FBXL17: variants seen among roughly 807,000 people sequenced by gnomAD.
FBXL17 encodes F-box/LRR-repeat protein 17.
In FBXL17, 22 loss-of-function variants were observed where a neutral mutation model predicts 66.2. The observed-to-expected ratio is 0.33, with a 90% confidence interval of 0.24 to 0.47. The LOEUF is 0.47. Among genes scored for constraint, FBXL17 ranks in the 20% least tolerant of loss-of-function variants. The probability of loss-of-function intolerance (pLI) is 1.00; values close to 1 mark genes in which losing one functional copy is unlikely to be tolerated. For missense variants in FBXL17, 878 were observed against 948.2 expected, an observed-to-expected ratio of 0.93 and a Z score of 0.97; for synonymous variants, 474 against 400.5, an observed-to-expected ratio of 1.18 and a Z score of -2.19.
chr5:108,031,791 G>A (rs1746653782), intron 6 of FBXL17, among the ~76,000 whole-genome samples: 1 of 152,090 alleles, frequency 6.6e-6, no homozygotes. Context: ...ACTTCAGGTA[G>A]AAAATCAATT....
At chr5:108,261,613 C>A (rs1040540073) in intron 4 of FBXL17, among the ~76,000 whole-genome samples, 1 of 151,544 alleles carries the variant, frequency 6.6e-6, no homozygotes, top group African/African-American at 2.4e-5. Flanking sequence ...GAAGGTTTGC[C>A]CATAAAGACC....
intron 6 of FBXL17, among the ~76,000 whole-genome samples, chr5:108,064,130 C>T (rs554417465): frequency 6.6e-6 from 1 of 152,134 alleles, no homozygotes; most frequent in African/African-American, 2.4e-5. Flanking sequence ...AATGAAATAG[C>T]TTCTGACCCC....
chr5:108,092,030 G>T (rs1749205373), intron 6 of FBXL17, among the ~76,000 whole-genome samples: 1 of 151,932 alleles, frequency 6.6e-6, no homozygotes, highest in South Asian at 2.1e-4. Context: ...TTATTTTCTG[G>T]CATTAGCTTT....
At chr5:107,864,426 G>T (rs1325017463) in intron 8 of FBXL17, among the ~76,000 whole-genome samples, 1 of 152,160 alleles carries the variant, frequency 6.6e-6, no homozygotes, top group Non-Finnish European at 1.5e-5. Flanking sequence ...ATGGTTTCTT[G>T]AGCAGATTCC....
At chr5:107,898,416 G>A (rs965075876) in intron 7 of FBXL17, among the ~76,000 whole-genome samples, 1 of 152,034 alleles carries the variant, frequency 6.6e-6, no homozygotes, top group Admixed American at 6.6e-5. Flanking sequence ...ATGTGAAGAT[G>A]ATTAGAATGA....
In FBXL17 at chr5:108,373,258, A is replaced by G. The variant is rs1580917478; in HGVS notation, c.994-5305T>C. On this transcript the variant is annotated intron_variant, in intron 1 of 8. Transcript: ENST00000542267. Reference sequence around the variant, plus strand: ...ATAATATATATCTAAATATATTAATATAAATATAATATATATCTAAATATA... The same window carrying G: ...ATAATATATATCTAAATATATTAATGTAAATATAATATATATCTAAATATA... Among the ~76,000 whole-genome samples the G allele has an allele frequency of 2.7e-5, 4 of 145,834 alleles. No homozygotes were observed. In the East Asian group the frequency reaches 5.9e-4, roughly 21 times the overall value.
chr5:108,184,129 G>C (rs1331744875), intron 6 of FBXL17, among the ~76,000 whole-genome samples: 1 of 152,044 alleles, frequency 6.6e-6, no homozygotes, highest in Non-Finnish European at 1.5e-5. Flanking sequence ...TTTAAAAAGG[G>C]GAGGCCAGGC....
At chr5:108,104,158 C>T (rs953866120) in intron 6 of FBXL17, among the ~76,000 whole-genome samples, 22 of 152,114 alleles carry the variant, frequency 1.4e-4, no homozygotes, top group Non-Finnish European at 2.9e-5. Context: ...GCCTCAGCCT[C>T]CCGAGTAGCA....
chr5:107,880,389 C>T, intron 8 of FBXL17: 1 of 986,108 alleles, frequency 1.0e-6, no homozygotes, highest in Middle Eastern at 5.2e-4. Flanking sequence ...TCTGTTTTCT[C>T]AGTCTTCAAA....
At chr5:108,119,669 A>G (rs532470173) in intron 6 of FBXL17, among the ~76,000 whole-genome samples, 1 of 152,386 alleles carries the variant, frequency 6.6e-6, no homozygotes, top group East Asian at 1.9e-4. Flanking sequence ...AATTAGCTGT[A>G]TAGTAACTTG....
At chr5:108,080,549 G>A (rs1748723035) in intron 6 of FBXL17, among the ~76,000 whole-genome samples, 1 of 152,208 alleles carries the variant, frequency 6.6e-6, no homozygotes, top group Non-Finnish European at 1.5e-5. Context: ...CAAGGTCTAA[G>A]GCACAGTCTC....
chr5:107,879,922 A>G (rs1448469796), intron 8 of FBXL17: 4 of 985,322 alleles, frequency 4.1e-6, no homozygotes, highest in Non-Finnish European at 4.8e-6. Flanking sequence ...GTCTTGCCAG[A>G]GTATCCTGGG....
chr5:108,244,972 G>A (rs1756027445), intron 4 of FBXL17, among the ~76,000 whole-genome samples: 1 of 152,064 alleles, frequency 6.6e-6, no homozygotes, highest in Non-Finnish European at 1.5e-5. Context: ...GCAGAACAAT[G>A]TGTATATACT....
At chr5:108,164,336 C>T (rs964168932) in intron 6 of FBXL17, among the ~76,000 whole-genome samples, 6 of 152,146 alleles carry the variant, frequency 3.9e-5, no homozygotes, top group Admixed American at 2.0e-4. Context: ...TTCATTATTG[C>T]CCTTCCAAGT....
At chr5:108,293,411 T>C (rs1758203175) in intron 4 of FBXL17, among the ~76,000 whole-genome samples, 1 of 152,192 alleles carries the variant, frequency 6.6e-6, no homozygotes, top group South Asian at 2.1e-4. Flanking sequence ...TATGGGGACA[T>C]GTGTAATTTT....
At chr5:108,077,221 T>C (rs1392379131) in intron 6 of FBXL17, among the ~76,000 whole-genome samples, 1 of 152,210 alleles carries the variant, frequency 6.6e-6, no homozygotes, top group Non-Finnish European at 1.5e-5. Context: ...TTAGTAAAGC[T>C]GATTTAAAAG....
rs115292280 is a variant in FBXL17, at chr5:108,016,171, C to T, written c.1822+4754G>A. Among the ~76,000 whole-genome samples the T allele has an allele frequency of 4.3e-3, 657 of 152,286 alleles. 7 individuals carry two copies. The highest frequency in any genetic ancestry group is 0.015 in the African/African-American group (630 of 41,576). ...AAAGTGACCTCCTTGACTTGGAAGA[C>T]CTTTTGCCCAGAGCAATTCAAAAGT... is the stretch of plus-strand genomic sequence containing the variant. On this transcript the variant is annotated intron_variant, in intron 7 of 8. Coordinates refer to ENST00000542267, the MANE Select transcript of FBXL17 (RefSeq NM_001163315.3).
chr5:108,098,889 T>C (rs1190635794), intron 6 of FBXL17, among the ~76,000 whole-genome samples: 2 of 152,196 alleles, frequency 1.3e-5, no homozygotes, highest in Admixed American at 6.5e-5. Flanking sequence ...GTTGATATCA[T>C]GTTTATCATC....
intron 7 of FBXL17, among the ~76,000 whole-genome samples, chr5:107,953,088 T>G (rs1292622164): frequency 9.1e-5 from 6 of 66,260 alleles, no homozygotes; most frequent in Non-Finnish European, 1.8e-4. Context: ...TCAAGACTCT[T>G]GTTTCATACT....
Sources: gnomAD v4.1 joint callset for allele counts (sites outside exome capture counted in the v4.1 genomes callset) on GRCh38, gnomAD v4.1.1 for gene constraint, MANE v1.5 for transcripts, NCBI Gene and HGNC (gene_info 2026-07-23, HGNC 2026-07-21) for gene names.